The following TOP2B variants were observed in gnomAD, a reference collection of about 807,000 sequenced individuals.
The protein encoded by TOP2B is DNA topoisomerase II beta.
In TOP2B, 51 loss-of-function variants were observed where a neutral mutation model predicts 193.5. The ratio of observed to expected loss-of-function variants is 0.26; its 90% CI spans 0.21 to 0.33. The LOEUF is 0.33. TOP2B is among the 10% of genes least tolerant of loss of function. TOP2B has a pLI of 1.00. For missense variants in TOP2B, 1,378 were observed against 1,909.3 expected (o/e 0.72, Z 5.19); for synonymous variants, 634 against 635.7 (o/e 1.00, Z 0.04).
At chr3:25,660,861 G>A (rs1039967983) in intron 1 of TOP2B, among the ~76,000 whole-genome samples, 5 of 152,112 alleles carry the variant, frequency 3.3e-5, no homozygotes, top group African/African-American at 9.7e-5. Context: ...AATGTTATTT[G>A]TGGTTATACA....
chr3:25,658,904 C>T lies in TOP2B; in HGVS notation c.69+5325G>A, dbSNP rs533855179. Among the ~76,000 whole-genome samples, 6 of 152,266 alleles carry T rather than the reference C, an allele frequency of 3.9e-5. No homozygotes were observed. In the East Asian group the frequency reaches 7.7e-4, roughly 20 times the overall value. Reference sequence around the variant, plus strand: ...TGTCACCTGAAATATAGCAATTTGGCAGAAGCACCCAGTTTGTTTTTCTGA... The same window carrying T: ...TGTCACCTGAAATATAGCAATTTGGTAGAAGCACCCAGTTTGTTTTTCTGA... On this transcript the variant is annotated intron_variant, in intron 1 of 35. Transcript: ENST00000264331.
At chr3:25,613,513 C>T (rs1029498248) in intron 27 of TOP2B, among the ~76,000 whole-genome samples, 1 of 152,092 alleles carries the variant, frequency 6.6e-6, no homozygotes, top group Admixed American at 6.6e-5. Context: ...AGGTGGATCA[C>T]TTGAGCCCAG....
chr3:25,644,880 C>T (rs1039323995), intron 2 of TOP2B, among the ~76,000 whole-genome samples: 91 of 151,856 alleles, frequency 6.0e-4, no homozygotes, highest in African/African-American at 2.1e-3. Context: ...CTGCAAGCTC[C>T]GCCTCCCAGG....
intron 27 of TOP2B, among the ~76,000 whole-genome samples, chr3:25,613,145 A>G (rs1245430694): frequency 6.6e-6 from 1 of 152,208 alleles, no homozygotes; most frequent in Non-Finnish European, 1.5e-5. Context: ...CTAAATGTAA[A>G]TTAAAGTCAG....
intron 1 of TOP2B, among the ~76,000 whole-genome samples, chr3:25,657,672 T>C: frequency 6.6e-6 from 1 of 152,246 alleles, no homozygotes. Context: ...TACCTCTTTT[T>C]ATTCTTATAT....
chr3:25,664,187 C>A (rs187125240), intron 1 of TOP2B, 42 bp downstream of exon 1: 5 of 1,537,846 alleles, frequency 3.3e-6, no homozygotes. Context: ...CGCCGCGGGC[C>A]CGGAACAATG....
chr3:25,609,200 A>G lies in TOP2B; in HGVS notation c.4076T>C (p.Leu1359Ser). Residue 1359 changes from leucine to serine, a missense_variant, in exon 30 of 36, where the codon TTG becomes TCG. Leu to Ser is a moderately radical substitution (Grantham distance 145, BLOSUM62 -2). Transcript: ENST00000264331. ...TEPVVIPRDS[L>S]LRRAAAERPK... ...TACAATACCTGCTGCTCTCCTAAGC[A>G]AAGAATCTCTTGGAATAACCACAGG... The G allele has an allele frequency of 6.2e-7, 1 of 1,608,610 alleles. No individual in the cohort carries two copies. The highest frequency in any genetic ancestry group is 1.3e-5 in the African/African-American group (1 of 74,926).
intron 7 of TOP2B, 116 bp downstream of exon 7, chr3:25,635,819 GA>G (rs776460014): frequency 8.1e-6 from 6 of 743,794 alleles, no homozygotes; most frequent in Non-Finnish European, 1.3e-5. Context: ...CTTTAAATGT[GA>G]ATCATCTGAA....
chr3:25,598,236 A>AAGTC lies in TOP2B; in HGVS notation c.*67_*70dup. 3 of 1,464,506 alleles carry AAGTC rather than the reference A, an allele frequency of 2.0e-6. No individual in the cohort carries two copies. Among genetic ancestry groups the AAGTC allele is most frequent in the Admixed American group, 4.4e-5 (2 of 45,948 alleles). 90.7% of individuals were successfully genotyped at this position (1,464,506 alleles called of 1,614,324 possible). A position where few individuals can be genotyped will look rare whatever the true frequency, so the allele number is the denominator to read the frequency against. On this transcript the variant is annotated 3_prime_UTR_variant, in exon 36 of 36. Transcript: ENST00000264331. ...ACATTAAAATAAGCCAGATGTACAA[A>AAGTC]AGTCTGAGACAGAGAAGACAAAAGG...
intron 25 of TOP2B, among the ~76,000 whole-genome samples, chr3:25,616,567 G>A (rs1284073018): frequency 6.6e-6 from 1 of 151,922 alleles, no homozygotes; most frequent in Non-Finnish European, 1.5e-5. Flanking sequence ...ATTTGATTAA[G>A]CCACATTAGC....
chr3:25,664,603 C>T lies in TOP2B; in HGVS notation c.-306G>A. 1 of 1,001,434 alleles carries T rather than the reference C, an allele frequency of 1.0e-6. No homozygotes were observed. The highest frequency in any genetic ancestry group is 1.2e-6 in the Non-Finnish European group (1 of 841,198). 62.0% of individuals were successfully genotyped at this position (1,001,434 alleles called of 1,614,324 possible). The stretch of plus-strand genomic sequence containing the variant: ...GCGGCGGCGTTGCCTTCTCGCCCGC[C>T]CGCGGGCGCCGCTGCAGGCCGGGCT... On this transcript the variant is annotated 5_prime_UTR_variant, in exon 1 of 36. Transcript: ENST00000264331.
chr3:25,604,206 G>GT (rs531019378), intron 33 of TOP2B, among the ~76,000 whole-genome samples: 5,952 of 151,966 alleles, frequency 0.039, 340 homozygotes, highest in African/African-American at 0.13. Flanking sequence ...AGATTTGTGG[G>GT]GTTTTTTTTA....
chr3:25,597,977 CAG>C (rs923330725), downstream of TOP2B: 1 of 165,778 alleles, frequency 6.0e-6, no homozygotes, highest in East Asian at 1.7e-4. Context: ...AGTAAAGAGA[CAG>C]AGAACACAGT....
intron 1 of TOP2B, among the ~76,000 whole-genome samples, chr3:25,656,540 T>TA (rs1288457435): frequency 1.3e-5 from 2 of 152,178 alleles, no homozygotes; most frequent in East Asian, 3.8e-4. Context: ...ATTACTATAC[T>TA]AAAAATAATT....
Position 25,615,183 on chromosome 3 carries a change from T to C in TOP2B, c.3591+22A>G, listed in dbSNP as rs1311412643. The C allele has an allele frequency of 5.7e-6, 9 of 1,586,354 alleles. No homozygotes were observed. In the East Asian group the frequency reaches 1.1e-4, roughly 20 times the overall value. ...CATAAACATGACTTTTCCAAATAAA[T>C]TTTAATAGAGACTTAACCTACATCC... On this transcript the variant is annotated intron_variant, in intron 27 of 35. Coordinates refer to ENST00000264331, the MANE Select transcript of TOP2B (RefSeq NM_001330700.2).
In TOP2B at chr3:25,598,393, G is replaced by C. The variant is rs770531780; in HGVS notation, c.4795C>G (p.Arg1599Gly). The change falls in exon 36 of 36, where the codon CGA (arginine) becomes GGA (glycine). Residue 1599 changes from arginine (R) to glycine (G), a missense_variant. Coordinates refer to ENST00000264331, the MANE Select transcript of TOP2B (RefSeq NM_001330700.2). ...ACTTCTTTCCTAGCCCGACCGGTTC[G>C]TGGCAGAGAAGGTGGCTCAGTAGGG... ...DFPTEPPSLP[R>G]TGRARKEVKY... 2 of 1,613,460 alleles carry C rather than the reference G, an allele frequency of 1.2e-6. No homozygotes were observed. The highest frequency in any genetic ancestry group is 2.7e-5 in the African/African-American group (2 of 74,886).
chr3:25,618,358 G>T (rs1702567159), intron 25 of TOP2B, 60 bp downstream of exon 25: 1 of 1,293,598 alleles, frequency 7.7e-7, no homozygotes, highest in African/African-American at 1.5e-5. Context: ...TTGAATTTTT[G>T]TTTGTTTTGG....
chr3:25,630,916 T>G lies in TOP2B; in HGVS notation c.1290A>C (p.Glu430Asp). 1 of 1,595,376 alleles carries G rather than the reference T, an allele frequency of 6.3e-7. No homozygotes were observed. The highest frequency in any genetic ancestry group is 8.5e-7 in the Non-Finnish European group (1 of 1,173,208). The stretch of plus-strand genomic sequence containing the variant: ...TAAATTTCACCCAGTTCAGGATACT[T>G]TCTACAATGCCACAATTAGAGGCCT... ...FKAASNCGIV[E>D]SILNWVKFKA... is the part of the protein sequence containing the mutation. The change falls in exon 11 of 36, where the codon GAA (glutamate) becomes GAC (aspartate). Residue 430 changes from glutamate (E) to aspartate (D), a missense_variant. This residue lies in a region of TOP2B where 222 missense variants were observed against 306.6 expected (regional missense o/e 0.72). Transcript: ENST00000264331.
At chr3:25,648,480 G>GTTA (rs1703476729) in intron 1 of TOP2B, among the ~76,000 whole-genome samples, 2 of 152,164 alleles carry the variant, frequency 1.3e-5, no homozygotes, top group African/African-American at 2.4e-5. Flanking sequence ...AGACCAGAGA[G>GTTA]TTAGCTAAGC....
Sources: gnomAD v4.1 joint callset for allele counts (sites outside exome capture counted in the v4.1 genomes callset) on GRCh38, gnomAD v4.1.1 for gene constraint, gnomAD v4.1.1 regional missense constraint, MANE v1.5 for transcripts, NCBI Gene and HGNC (gene_info 2026-07-23, HGNC 2026-07-21) for gene names.